SOHLH2: variants seen among roughly 807,000 people sequenced by gnomAD.
The protein encoded by SOHLH2 is spermatogenesis and oogenesis specific basic helix-loop-helix 2, also known as spermatogenesis- and oogenesis-specific basic helix-loop-helix-containing protein 2.
Under a neutral mutation model 50.4 loss-of-function variants are expected in SOHLH2, and 22 were observed. The observed-to-expected ratio is 0.44, with a 90% confidence interval of 0.31 to 0.62. SOHLH2 has a LOEUF of 0.62. Ranked by LOEUF, SOHLH2 falls within the 20% of genes least tolerant of loss-of-function variation. SOHLH2 has a pLI of 0.08. For synonymous variants in SOHLH2, 185 were observed against 187.3 expected, an observed-to-expected ratio of 0.99 and a Z score of 0.10; for missense variants, 412 against 504.4, an observed-to-expected ratio of 0.82 and a Z score of 1.76.
intron 2 of SOHLH2, among the ~76,000 whole-genome samples, chr13:36,196,634 T>C (rs1887740982): frequency 6.6e-6 from 1 of 152,236 alleles, no homozygotes; most frequent in Non-Finnish European, 1.5e-5. Context: ...TTAAATGATT[T>C]TTTAAAAACA....
At chr13:36,172,722 G>A (rs1397195636) in intron 9 of SOHLH2, among the ~76,000 whole-genome samples, 3 of 152,166 alleles carry the variant, frequency 2.0e-5, no homozygotes, top group Non-Finnish European at 4.4e-5. Flanking sequence ...CTGAGAACTA[G>A]GGATGGACTT....
intron 2 of SOHLH2, among the ~76,000 whole-genome samples, chr13:36,194,076 A>T (rs1214914790): frequency 6.6e-6 from 1 of 151,954 alleles, no homozygotes. Context: ...AAATGAAAAA[A>T]AAAAGCCTAA....
chr13:36,204,670 C>T (rs1322449844), intron 1 of SOHLH2, among the ~76,000 whole-genome samples: 1 of 152,116 alleles, frequency 6.6e-6, no homozygotes, highest in Non-Finnish European at 1.5e-5. Flanking sequence ...GTTAATACCA[C>T]ACTGCTTAAT....
At position 36,168,749 on chromosome 13, in the gene SOHLH2, GAA is replaced by G; in HGVS notation, c.*283_*284del. ...TCATAAATTGTGGAATATTTTTTGA[GAA>G]AAGAGAGTGTAGGTCACTGAGGCCA... On this transcript the variant is annotated 3_prime_UTR_variant, in exon 11 of 11. Transcript: ENST00000379881. The G allele has an allele frequency of 2.4e-6, 1 of 418,866 alleles. No individual in the cohort carries two copies. The highest frequency in any genetic ancestry group is 4.2e-6 in the Non-Finnish European group (1 of 238,128). 25.9% of individuals were successfully genotyped at this position (418,866 alleles called of 1,614,324 possible).
chr13:36,169,009 G>A lies in SOHLH2; in HGVS notation c.*25C>T, dbSNP rs1886891697. On this transcript the variant is annotated 3_prime_UTR_variant, in exon 11 of 11. Coordinates refer to ENST00000379881, the MANE Select transcript of SOHLH2 (RefSeq NM_017826.3). ...CAAACTGCGCCCAGTAGGTGGTTGA[G>A]AGTGTGAATTTCAAACATGTGCTTT... is the stretch of plus-strand genomic sequence containing the variant. 1 of 1,603,992 alleles carries A rather than the reference G, an allele frequency of 6.2e-7. No individual in the cohort carries two copies. Among genetic ancestry groups the A allele is most frequent in the Non-Finnish European group, 8.5e-7 (1 of 1,176,914 alleles).
intron 1 of SOHLH2, among the ~76,000 whole-genome samples, chr13:36,202,403 T>C (rs574379924): frequency 6.6e-6 from 1 of 152,362 alleles, no homozygotes; most frequent in South Asian, 2.1e-4. Context: ...AGAGTTCTTA[T>C]GACTCAGTTT....
In SOHLH2 at chr13:36,173,784, G is replaced by C. The variant is rs1459192614; in HGVS notation, c.908C>G (p.Ser303Cys). The C allele has an allele frequency of 1.2e-6, 2 of 1,614,080 alleles. No individual in the cohort carries two copies. The highest frequency in any genetic ancestry group is 1.7e-6 in the Non-Finnish European group (2 of 1,180,046). The change falls in exon 9 of 11, where the codon TCC becomes TGC. Residue 303 changes from serine (S) to cysteine (C), a missense_variant. Transcript: ENST00000379881. ...CAGGAATTGGAGCCCTCTCTCAGGG[G>C]AGTAAGTGCTCATCACACTGTTTTC... Reference protein sequence around the residue: ...QRENSVMSTYSPERGLQFLTN... With the variant: ...QRENSVMSTYCPERGLQFLTN...
At chr13:36,193,076 G>C (rs1649842548) in intron 4 of SOHLH2, among the ~76,000 whole-genome samples, 1 of 152,194 alleles carries the variant, frequency 6.6e-6, no homozygotes, top group Admixed American at 6.5e-5. Flanking sequence ...ATGAAAGCTA[G>C]TTTAATTAAA....
intron 6 of SOHLH2, among the ~76,000 whole-genome samples, chr13:36,188,545 C>T (rs1887490191): frequency 6.6e-6 from 1 of 152,178 alleles, no homozygotes; most frequent in African/African-American, 2.4e-5. Context: ...TTGCCAAGAT[C>T]AATGACATCT....
chr13:36,173,756 A>C lies in SOHLH2; in HGVS notation c.936T>G (p.Thr312=), dbSNP rs200898365. 7.4e-6 allele frequency: 12 copies of C among 1,614,042 alleles called. No individual in the cohort carries two copies. The East Asian group carries it at 2.7e-4, about 36-fold the overall frequency. The part of the protein sequence containing the change: ...YSPERGLQFL[T]NTCWNGCSTP... ...TGGAGCACCCATTCCAGCACGTATT[A>C]GTCAGGAATTGGAGCCCTCTCTCAG... Residue 312 remains threonine (T), a synonymous_variant, in exon 9 of 11, where the codon ACT becomes ACG. Transcript: ENST00000379881.
chr13:36,177,670 T>C (rs1028032074), intron 6 of SOHLH2, among the ~76,000 whole-genome samples: 4 of 152,144 alleles, frequency 2.6e-5, no homozygotes, highest in African/African-American at 4.8e-5. Context: ...GCTAATGATG[T>C]TGAGCACTTT....
At chr13:36,194,231 A>G (rs575826322) in intron 2 of SOHLH2, among the ~76,000 whole-genome samples, 1 of 152,170 alleles carries the variant, frequency 6.6e-6, no homozygotes, top group South Asian at 2.1e-4. Flanking sequence ...AAATATATAT[A>G]TAATTAAAGA....
chr13:36,178,723 G>A (rs1887159069), intron 6 of SOHLH2, among the ~76,000 whole-genome samples: 1 of 151,878 alleles, frequency 6.6e-6, no homozygotes, highest in Non-Finnish European at 1.5e-5. Context: ...CTTAACAATA[G>A]TGAGTCTTTC....
intron 1 of SOHLH2, among the ~76,000 whole-genome samples, chr13:36,206,209 A>C (rs1262076673): frequency 1.3e-5 from 2 of 152,058 alleles, no homozygotes; most frequent in African/African-American, 4.8e-5. Flanking sequence ...CATTCTCAAC[A>C]TCCTCATGTG....
chr13:36,185,973 G>T (rs571001811), intron 6 of SOHLH2, among the ~76,000 whole-genome samples: 2 of 152,070 alleles, frequency 1.3e-5, no homozygotes, highest in African/African-American at 2.4e-5. Flanking sequence ...AAAACAGAAG[G>T]TTTTCCATTT....
intron 2 of SOHLH2, 72 bp from the exon 3 acceptor site, chr13:36,193,939 T>C: frequency 7.0e-7 from 1 of 1,437,076 alleles, no homozygotes; most frequent in South Asian, 1.3e-5. Flanking sequence ...GGAGTTTAGC[T>C]TATTAGGAAC....
intron 6 of SOHLH2, among the ~76,000 whole-genome samples, chr13:36,187,534 G>A (rs995249808): frequency 6.6e-6 from 1 of 152,126 alleles, no homozygotes; most frequent in African/African-American, 2.4e-5. Context: ...CAAGGCAGCA[G>A]TCATGGGAAT....
intron 1 of SOHLH2, among the ~76,000 whole-genome samples, chr13:36,204,755 T>C (rs1169611161): frequency 6.6e-6 from 1 of 152,202 alleles, no homozygotes; most frequent in Non-Finnish European, 1.5e-5. Flanking sequence ...AGTTATTATA[T>C]ATTTTCCAAC....
chr13:36,204,175 T>C (rs1868607875), intron 1 of SOHLH2, among the ~76,000 whole-genome samples: 1 of 152,102 alleles, frequency 6.6e-6, no homozygotes. Context: ...AGTCTCGAAC[T>C]CCTGACCTCG....
Sources: allele counts gnomAD v4.1 joint callset (sites outside exome capture counted in the v4.1 genomes callset), GRCh38; gene constraint gnomAD v4.1.1; transcripts MANE v1.5; gene names NCBI Gene and HGNC (gene_info 2026-07-23, HGNC 2026-07-21).